HPSE2: variants seen among roughly 807,000 people sequenced by gnomAD.
HPSE2 encodes inactive heparanase-2.
In HPSE2, 38 loss-of-function variants were observed where a neutral mutation model predicts 60.5. The ratio of observed to expected loss-of-function variants is 0.63; its 90% confidence interval spans 0.48 to 0.82. HPSE2 has a LOEUF of 0.82. HPSE2 is among the 40% of genes least tolerant of loss of function. The probability of loss-of-function intolerance (pLI) is 0.00; values close to 1 mark genes in which losing one functional copy is unlikely to be tolerated. For synonymous variants in HPSE2, 295 were observed against 293.2 expected (o/e 1.01, Z -0.06); for missense variants, 713 against 740.4 (o/e 0.96, Z 0.43).
chr10:98,858,845 T>A (rs2134767163), intron 3 of HPSE2, among the ~76,000 whole-genome samples: 1 of 152,350 alleles, frequency 6.6e-6, no homozygotes, highest in South Asian at 2.1e-4. Flanking sequence ...GCAGAATACA[T>A]TGCACCATGG....
chr10:98,528,258 GAGCCA>G (rs1943029676), intron 9 of HPSE2, among the ~76,000 whole-genome samples: 1 of 152,134 alleles, frequency 6.6e-6, no homozygotes, highest in Admixed American at 6.6e-5. Context: ...TGCTCAGCCA[GAGCCA>G]CTCATCACTC....
chr10:98,776,278 C>CAAAAAAAAAAAAAAAAAAAAAAA (rs35176062), intron 3 of HPSE2, among the ~76,000 whole-genome samples: 1 of 137,084 alleles, frequency 7.3e-6, no homozygotes, highest in African/African-American at 2.8e-5. Flanking sequence ...ACTAAAAATA[C>CAAAAAAAAAAAAAAAAAAAAAAA]AAAAAAAAAA....
chr10:98,732,712 T>C (rs1159506254), intron 4 of HPSE2, among the ~76,000 whole-genome samples: 1 of 152,184 alleles, frequency 6.6e-6, no homozygotes, highest in African/African-American at 2.4e-5. Context: ...CTCCTTGTTA[T>C]CTTGGATTAA....
intron 3 of HPSE2, among the ~76,000 whole-genome samples, chr10:98,821,411 AT>A (rs1209922348): frequency 1.3e-5 from 2 of 152,224 alleles, no homozygotes; most frequent in Admixed American, 1.3e-4. Context: ...ATATTTAAAC[AT>A]ATCTCAACAT....
At position 99,144,341 on chromosome 10, in the gene HPSE2, G is replaced by A. The variant is rs779273450; in HGVS notation, c.507C>T (p.His169=). 33 of 1,613,944 alleles carry A rather than the reference G, an allele frequency of 2.0e-5. No individual in the cohort carries two copies. Among genetic ancestry groups the A allele is most frequent in the Non-Finnish European group, 2.5e-5 (30 of 1,179,990 alleles). ...DKQKGCKIAQ[H]PDVMLELQRE... ...TTTGGAGCTCCAGCATAACATCAGG[G>A]TGCTGGGCAATCTTGCAGCCTTTCT... The change falls in exon 3 of 12, where the codon CAC becomes CAT. Residue 169 remains histidine, a synonymous_variant. Transcript: ENST00000370552.
chr10:99,195,464 A>C (rs1262468466), intron 2 of HPSE2, among the ~76,000 whole-genome samples: 1 of 152,014 alleles, frequency 6.6e-6, no homozygotes, highest in Non-Finnish European at 1.5e-5. Context: ...GGAAAAAAAC[A>C]AAGACTCCAT....
chr10:98,701,660 AT>A, intron 5 of HPSE2, among the ~76,000 whole-genome samples: 1 of 116,780 alleles, frequency 8.6e-6, no homozygotes, highest in Non-Finnish European at 2.1e-5. Context: ...ATAAAATAAA[AT>A]AAAATGAAAA....
At chr10:99,065,937 G>A (rs971992735) in intron 3 of HPSE2, among the ~76,000 whole-genome samples, 3 of 151,028 alleles carry the variant, frequency 2.0e-5, no homozygotes, top group African/African-American at 7.3e-5. Context: ...AGCTTTAAGG[G>A]ATCATGGAAA....
At chr10:98,540,690 G>A (rs1433185141) in intron 9 of HPSE2, among the ~76,000 whole-genome samples, 1 of 152,142 alleles carries the variant, frequency 6.6e-6, no homozygotes, top group African/African-American at 2.4e-5. Context: ...TTGCTCTCTG[G>A]AAATATAGTA....
chr10:99,060,283 C>T (rs778601637), intron 3 of HPSE2, among the ~76,000 whole-genome samples: 1 of 151,954 alleles, frequency 6.6e-6, no homozygotes, highest in Non-Finnish European at 1.5e-5. Context: ...AGCAAGATGG[C>T]CAAATAGAAT....
At chr10:99,175,423 G>A (rs971068649) in intron 2 of HPSE2, among the ~76,000 whole-genome samples, 2 of 152,210 alleles carry the variant, frequency 1.3e-5, no homozygotes, top group African/African-American at 2.4e-5. Flanking sequence ...TGGGAAGCTC[G>A]ACCTTGTTGG....
chr10:98,803,263 T>C (rs2134536124), intron 3 of HPSE2, among the ~76,000 whole-genome samples: 1 of 150,282 alleles, frequency 6.7e-6, no homozygotes, highest in South Asian at 2.1e-4. Flanking sequence ...TTCTCCCATT[T>C]TGTAGGTTGC....
intron 6 of HPSE2, among the ~76,000 whole-genome samples, chr10:98,692,664 G>T (rs2134167043): frequency 6.6e-6 from 1 of 152,230 alleles, no homozygotes; most frequent in South Asian, 2.1e-4. Flanking sequence ...AGCTACTCGG[G>T]AGGCTGAGAC....
At chr10:99,269,240 A>C in the HPSE2 span, among the ~76,000 whole-genome samples, 1 of 152,192 alleles carries the variant, frequency 6.6e-6, no homozygotes, top group African/African-American at 2.4e-5. Flanking sequence ...ATATAAAATT[A>C]AGGTAAAGGA....
At chr10:98,468,417 A>T (rs1421707013) in intron 11 of HPSE2, among the ~76,000 whole-genome samples, 2 of 152,098 alleles carry the variant, frequency 1.3e-5, no homozygotes, top group East Asian at 3.9e-4. Flanking sequence ...GTGTGTCCTG[A>T]ACTTTTCTTC....
chr10:98,566,354 C>T (rs977545285), intron 9 of HPSE2, among the ~76,000 whole-genome samples: 1 of 152,110 alleles, frequency 6.6e-6, no homozygotes, highest in African/African-American at 2.4e-5. Flanking sequence ...TCCATTTTAA[C>T]TGAGTTGTTT....
chr10:98,730,234 G>T (rs1405658854), intron 4 of HPSE2, among the ~76,000 whole-genome samples: 1 of 151,992 alleles, frequency 6.6e-6, no homozygotes, highest in Non-Finnish European at 1.5e-5. Flanking sequence ...ATAATCCATT[G>T]ATCAAAGAAG....
intron 5 of HPSE2, among the ~76,000 whole-genome samples, chr10:98,711,865 C>A (rs867146104): frequency 2.6e-5 from 4 of 152,184 alleles, no homozygotes; most frequent in Admixed American, 6.6e-5. Flanking sequence ...ATTCAAAATG[C>A]CAATATCTGG....
At chr10:99,150,842 T>C (rs1363584809) in intron 2 of HPSE2, among the ~76,000 whole-genome samples, 1 of 151,814 alleles carries the variant, frequency 6.6e-6, no homozygotes, top group East Asian at 1.9e-4. Flanking sequence ...GAAAAAGACC[T>C]AAAAAATGCC....
Sources: allele counts gnomAD v4.1 joint callset (sites outside exome capture counted in the v4.1 genomes callset), GRCh38; gene constraint gnomAD v4.1.1; transcripts MANE v1.5; gene names NCBI Gene and HGNC (gene_info 2026-07-23, HGNC 2026-07-21).